The following BANK1 variants were observed in gnomAD, a reference collection of about 807,000 sequenced individuals.
The protein encoded by BANK1 is B-cell scaffold protein with ankyrin repeats.
BANK1 carries 95 observed loss-of-function variants against 94.5 expected under a neutral mutation model. The ratio of observed to expected loss-of-function variants is 1.00; its 90% CI spans 0.85 to 1.19. The LOEUF (loss-of-function observed/expected upper bound fraction) is 1.19. Ranked by LOEUF, BANK1 falls within the 50% of genes most tolerant of loss-of-function variation. The probability of loss-of-function intolerance (pLI) is 0.00; values close to 1 mark genes in which losing one functional copy is unlikely to be tolerated. For missense variants in BANK1, 987 were observed against 932.2 expected, an observed-to-expected ratio of 1.06 and a Z score of -0.77; for synonymous variants, 334 against 308.4, an observed-to-expected ratio of 1.08 and a Z score of -0.87.
chr4:102,073,672 AT>A lies in BANK1; in HGVS notation c.2299-4del, dbSNP rs750446105. ...CGAGAAATACTAGCTCTATATCTTTATTTTTTTTCAGCTTCCTGCTCGACCC... is the reference window on the plus strand; with the variant it reads ...CGAGAAATACTAGCTCTATATCTTTATTTTTTTCAGCTTCCTGCTCGACCC... On this transcript the variant is annotated splice_polypyrimidine_tract_variant and intron_variant, in intron 15 of 16. Transcript: ENST00000322953. The A allele has an allele frequency of 1.3e-5, 21 of 1,606,896 alleles. No homozygotes were observed. Among genetic ancestry groups the A allele is most frequent in the African/African-American group, 9.4e-5 (7 of 74,590 alleles).
chr4:101,830,394 A>G (rs986783402), intron 2 of BANK1, among the ~76,000 whole-genome samples, 188 bp downstream of exon 2: 2 of 152,160 alleles, frequency 1.3e-5, no homozygotes, highest in African/African-American at 2.4e-5. Flanking sequence ...TTTTAGCTCT[A>G]TTCCAATCAA....
chr4:101,967,826 G>A (rs187568547), intron 7 of BANK1, among the ~76,000 whole-genome samples: 11 of 152,204 alleles, frequency 7.2e-5, no homozygotes, highest in Admixed American at 5.9e-4. Context: ...ATTAGAAGAA[G>A]TGAGGTTGAA....
chr4:102,056,411 G>A (rs1421596966), intron 11 of BANK1, among the ~76,000 whole-genome samples: 1 of 151,942 alleles, frequency 6.6e-6, no homozygotes, highest in Non-Finnish European at 1.5e-5. Context: ...ATACTTTATT[G>A]AATATACAAA....
At chr4:101,867,573 C>G (rs1467286681) in intron 4 of BANK1, among the ~76,000 whole-genome samples, 1 of 151,764 alleles carries the variant, frequency 6.6e-6, no homozygotes, top group Non-Finnish European at 1.5e-5. Context: ...TAAACACTGT[C>G]AATGTGTTGG....
At chr4:101,852,763 TC>T (rs941410043) in intron 2 of BANK1, among the ~76,000 whole-genome samples, 3 of 152,020 alleles carry the variant, frequency 2.0e-5, no homozygotes, top group Admixed American at 2.0e-4. Context: ...TTAGATTGCT[TC>T]CAATTTTCTC....
chr4:102,012,755 GT>G (rs1334223492), intron 7 of BANK1, among the ~76,000 whole-genome samples: 2 of 151,772 alleles, frequency 1.3e-5, no homozygotes, highest in Non-Finnish European at 2.9e-5. Flanking sequence ...TACTCAGCTT[GT>G]TTTTGTTTGT....
rs58588907 is a variant in BANK1 at position 101,996,008 on chromosome 4, C to T, written c.1207-25506C>T. 6.2e-3 allele frequency among the ~76,000 whole-genome samples: 937 copies of T among 152,064 alleles called. 12 individuals are homozygous for T. Among genetic ancestry groups the T allele is most frequent in the East Asian group, 0.056 (291 of 5,166 alleles). On this transcript the variant is annotated intron_variant, in intron 7 of 16. Coordinates refer to ENST00000322953, the MANE Select transcript of BANK1 (RefSeq NM_017935.5). ...GCCATTGCTTTTGGTGTTTTAGTCA[C>T]GAAGTCTTTGCCCATACCTATGTCC...
At chr4:101,881,910 C>A (rs1728689965) in intron 5 of BANK1, among the ~76,000 whole-genome samples, 1 of 151,526 alleles carries the variant, frequency 6.6e-6, no homozygotes, top group Non-Finnish European at 1.5e-5. Context: ...AGGATGGTTA[C>A]CAGAGGCTGG....
intron 7 of BANK1, among the ~76,000 whole-genome samples, chr4:101,926,776 G>A (rs1723166598): frequency 6.6e-6 from 1 of 151,696 alleles, no homozygotes; most frequent in Non-Finnish European, 1.5e-5. Context: ...TTTGGTAACT[G>A]TCTAAAACTA....
At chr4:102,007,040 AAT>A (rs1186173839) in intron 7 of BANK1, among the ~76,000 whole-genome samples, 43 of 128,418 alleles carry the variant, frequency 3.3e-4, no homozygotes, top group East Asian at 8.1e-4. Flanking sequence ...CTTAATGGTA[AAT>A]ATATATATAT....
At chr4:101,801,352 G>T (rs1240877277) in intron 1 of BANK1, among the ~76,000 whole-genome samples, 3 of 152,052 alleles carry the variant, frequency 2.0e-5, no homozygotes. Context: ...CAATATGGTT[G>T]CTAAAAACAT....
chr4:101,814,939 A>G (rs1725851676), intron 1 of BANK1, among the ~76,000 whole-genome samples: 2 of 152,194 alleles, frequency 1.3e-5, no homozygotes, highest in South Asian at 2.1e-4. Flanking sequence ...ACTTTTCAGC[A>G]TAAGAGTTCA....
intron 2 of BANK1, among the ~76,000 whole-genome samples, chr4:101,838,208 C>T (rs1329358386): frequency 1.3e-5 from 2 of 152,176 alleles, no homozygotes; most frequent in Non-Finnish European, 2.9e-5. Flanking sequence ...ATCCACCCAC[C>T]TCGGCCTTCC....
chr4:101,823,789 A>G (rs553188980), intron 1 of BANK1, among the ~76,000 whole-genome samples: 18 of 152,328 alleles, frequency 1.2e-4, no homozygotes, highest in East Asian at 9.6e-4. Context: ...TTGCATAAAA[A>G]TTTTTGCTGG....
At chr4:101,829,151 C>T (rs1012011573) in intron 1 of BANK1, among the ~76,000 whole-genome samples, 14 of 152,182 alleles carry the variant, frequency 9.2e-5, no homozygotes, top group Middle Eastern at 3.4e-3. Context: ...TGTGAGCCAC[C>T]GCGCCGGGCA....
In BANK1 at chr4:101,905,706, A is replaced by G. The variant is rs551277384; in HGVS notation, c.1009+10296A>G. Among the ~76,000 whole-genome samples the G allele has an allele frequency of 1.2e-4, 19 of 152,248 alleles. No homozygotes were observed. In the South Asian group the frequency reaches 1.5e-3, roughly 12 times the overall value. On this transcript the variant is annotated intron_variant, in intron 6 of 16. Coordinates refer to ENST00000322953, the MANE Select transcript of BANK1 (RefSeq NM_017935.5). ...AGTAGCTTTATGCAAATTGCCTCCGATACCATCACAGGCCTTGATATAATC... is the reference window on the plus strand; with the variant it reads ...AGTAGCTTTATGCAAATTGCCTCCGGTACCATCACAGGCCTTGATATAATC...
At chr4:102,005,948 GA>G (rs1726248087) in intron 7 of BANK1, among the ~76,000 whole-genome samples, 1 of 151,926 alleles carries the variant, frequency 6.6e-6, no homozygotes. Flanking sequence ...TGCGTATAAA[GA>G]AAAAATTTAA....
At chr4:101,959,939 C>T (rs1322487194) in intron 7 of BANK1, among the ~76,000 whole-genome samples, 1 of 152,150 alleles carries the variant, frequency 6.6e-6, no homozygotes, top group Non-Finnish European at 1.5e-5. Context: ...TGGTCATTAC[C>T]TTCCCTGATC....
At chr4:101,797,254 A>G (rs2148848744) in intron 1 of BANK1, among the ~76,000 whole-genome samples, 1 of 152,320 alleles carries the variant, frequency 6.6e-6, no homozygotes, top group South Asian at 2.1e-4. Context: ...AATGAGACAC[A>G]GAAAGACAAA....
Sources: allele counts gnomAD v4.1 joint callset (sites outside exome capture counted in the v4.1 genomes callset), GRCh38; gene constraint gnomAD v4.1.1; transcripts MANE v1.5; gene names NCBI Gene and HGNC (gene_info 2026-07-23, HGNC 2026-07-21).